The following CLNK variants were observed in gnomAD, a reference collection of about 807,000 sequenced individuals.
The protein encoded by CLNK is cytokine-dependent hematopoietic cell linker.
A neutral mutation model predicts 68.6 loss-of-function variants in CLNK; 74 were observed. The observed-to-expected ratio is 1.08, with a 90% CI of 0.89 to 1.31. The LOEUF is 1.31. Ranked by LOEUF, CLNK falls within the 50% of genes most tolerant of loss-of-function variation. CLNK has a pLI of 0.00. For synonymous variants in CLNK, 198 were observed against 172.2 expected (o/e 1.15, Z -1.17); for missense variants, 553 against 515.3 (o/e 1.07, Z -0.71).
intron 18 of CLNK, among the ~76,000 whole-genome samples, chr4:10,495,960 A>G (rs566008382): frequency 7.2e-5 from 11 of 152,334 alleles, no homozygotes; most frequent in African/African-American, 2.6e-4. Context: ...TCTCCCCTGG[A>G]GCCTCCAGAA....
intron 3 of CLNK, among the ~76,000 whole-genome samples, chr4:10,593,685 A>G (rs577725208): frequency 6.6e-6 from 1 of 152,202 alleles, no homozygotes; most frequent in Admixed American, 6.5e-5. Context: ...ACCCAGAAAA[A>G]CAAAAAGAGG....
chr4:10,700,475 G>A, the CLNK span, among the ~76,000 whole-genome samples: 5 of 152,188 alleles, frequency 3.3e-5, no homozygotes, highest in South Asian at 8.3e-4. Context: ...ACATTCACAG[G>A]GGTTCACAGT....
chr4:10,733,877 A>T, the CLNK span, among the ~76,000 whole-genome samples: 6 of 152,266 alleles, frequency 3.9e-5, no homozygotes, highest in African/African-American at 1.2e-4. Context: ...TCCATCATAC[A>T]TAAGTGCCAT....
chr4:10,588,204 C>T (rs1721041828), intron 3 of CLNK, among the ~76,000 whole-genome samples: 1 of 152,204 alleles, frequency 6.6e-6, no homozygotes, highest in Admixed American at 6.6e-5. Flanking sequence ...GCATGCAAAT[C>T]TGAGCTCGGG....
chr4:10,532,126 A>T, intron 12 of CLNK, 130 bp downstream of exon 12: 1 of 744,574 alleles, frequency 1.3e-6, no homozygotes, highest in Non-Finnish European at 2.4e-6. Flanking sequence ...TAGAGATACT[A>T]ATGCATTTTG....
intron 7 of CLNK, among the ~76,000 whole-genome samples, chr4:10,563,775 C>T (rs530035591): frequency 1.4e-3 from 216 of 152,194 alleles, no homozygotes; most frequent in Non-Finnish European, 2.1e-3. Context: ...GGCATGGTGA[C>T]GTGCACCTGT....
At chr4:10,666,954 C>A (rs1320815689) in intron 2 of CLNK, among the ~76,000 whole-genome samples, 5 of 152,188 alleles carry the variant, frequency 3.3e-5, no homozygotes, top group Non-Finnish European at 7.3e-5. Flanking sequence ...CAGCCAGTGC[C>A]CACCTGCGAG....
intron 18 of CLNK, among the ~76,000 whole-genome samples, chr4:10,494,460 T>C (rs1030493238): frequency 5.1e-5 from 4 of 78,824 alleles, no homozygotes; most frequent in African/African-American, 1.5e-4. Flanking sequence ...GTATTTCCTA[T>C]TTTTTTTTTT....
intron 1 of CLNK, among the ~76,000 whole-genome samples, chr4:10,672,471 A>T (rs954774550): frequency 6.6e-6 from 1 of 152,118 alleles, no homozygotes; most frequent in African/African-American, 2.4e-5. Context: ...TATCTAAGAC[A>T]TGGGGGAAAT....
chr4:10,598,870 C>T (rs1721481055), intron 2 of CLNK, among the ~76,000 whole-genome samples: 1 of 152,206 alleles, frequency 6.6e-6, no homozygotes, highest in Non-Finnish European at 1.5e-5. Flanking sequence ...TCTTTGTCCT[C>T]CCAGTTCCAC....
At chr4:10,573,865 C>T (rs1187954572) in intron 4 of CLNK, among the ~76,000 whole-genome samples, 1 of 152,026 alleles carries the variant, frequency 6.6e-6, no homozygotes, top group Non-Finnish European at 1.5e-5. Flanking sequence ...GCCTCTTCTC[C>T]CTCTCACCTC....
At chr4:10,542,582 T>C (rs1719075459) in intron 8 of CLNK, among the ~76,000 whole-genome samples, 1 of 151,876 alleles carries the variant, frequency 6.6e-6, no homozygotes, top group Non-Finnish European at 1.5e-5. Flanking sequence ...ATCGTGTGAC[T>C]CTTAAGACCC....
intron 11 of CLNK, 78 bp downstream of exon 11, chr4:10,540,416 T>G: frequency 2.8e-6 from 3 of 1,058,616 alleles, no homozygotes; most frequent in Non-Finnish European, 4.4e-6. Context: ...GAAAGGTACT[T>G]TGTTTGGTTT....
At chr4:10,646,443 A>G (rs1379722743) in intron 2 of CLNK, among the ~76,000 whole-genome samples, 1 of 152,246 alleles carries the variant, frequency 6.6e-6, no homozygotes, top group African/African-American at 2.4e-5. Context: ...CCAAGATTTG[A>G]TGTGCAAAGA....
At chr4:10,532,832 T>A (rs532656474) in intron 11 of CLNK, among the ~76,000 whole-genome samples, 20 of 152,358 alleles carry the variant, frequency 1.3e-4, no homozygotes, top group African/African-American at 4.6e-4. Context: ...TGGAAAGGTC[T>A]CTGACTAAAC....
upstream of CLNK, among the ~76,000 whole-genome samples, chr4:10,687,940 T>C (rs1283590458): frequency 2.0e-5 from 3 of 152,096 alleles, no homozygotes; most frequent in Non-Finnish European, 2.9e-5. Context: ...CCAGAGAAGT[T>C]TGGGTTTTGC....
chr4:10,717,987 G>A, the CLNK span, among the ~76,000 whole-genome samples: 1 of 152,010 alleles, frequency 6.6e-6, no homozygotes, highest in African/African-American at 2.4e-5. Context: ...AAGAGTCTTA[G>A]CAAAAACAGC....
At chr4:10,543,226 G>A (rs1448403292) in intron 8 of CLNK, among the ~76,000 whole-genome samples, 4 of 152,180 alleles carry the variant, frequency 2.6e-5, no homozygotes, top group Non-Finnish European at 5.9e-5. Context: ...AAATGAATAT[G>A]TGGGACACTT....
chr4:10,696,673 A>G, the CLNK span, among the ~76,000 whole-genome samples: 1 of 152,200 alleles, frequency 6.6e-6, no homozygotes, highest in Non-Finnish European at 1.5e-5. Flanking sequence ...AGCACTCAAT[A>G]GCCGAAAGTC....
Sources: gnomAD v4.1 joint callset for allele counts (sites outside exome capture counted in the v4.1 genomes callset) on GRCh38, gnomAD v4.1.1 for gene constraint, MANE v1.5 for transcripts, NCBI Gene and HGNC (gene_info 2026-07-23, HGNC 2026-07-21) for gene names.